GGH: variants seen among roughly 807,000 people sequenced by gnomAD.
The protein encoded by GGH is gamma-Glu-X carboxypeptidase.
GGH carries 18 observed loss-of-function variants against 39.2 expected under a neutral mutation model. That is an observed-to-expected ratio of 0.46 (90% CI 0.32 to 0.68). The LOEUF (loss-of-function observed/expected upper bound fraction) is 0.68. Ranked by LOEUF, GGH falls within the 30% of genes least tolerant of loss-of-function variation. The probability of loss-of-function intolerance (pLI) is 0.04; values close to 1 mark genes in which losing one functional copy is unlikely to be tolerated. For missense variants in GGH, 367 were observed against 384.1 expected (o/e 0.96, Z 0.37); for synonymous variants, 147 against 138.8 (o/e 1.06, Z -0.42).
In GGH at chr8:63,026,285, A is replaced by C. The variant is rs757459276; in HGVS notation, c.372T>G (p.Asp124Glu). Reference protein sequence around the residue: ...FYNLSIQSFDDGDYFPVWGTC... With the variant: ...FYNLSIQSFDEGDYFPVWGTC... ...TGCCCCACACAGGAAAATAGTCTCC[A>C]TCATCAAAACTCTTTGCAAGTGGAA... is the stretch of plus-strand genomic sequence containing the variant. The change falls in exon 5 of 9, where the codon GAT (aspartate) becomes GAG (glutamate). Residue 124 changes from aspartate (D) to glutamate (E), a missense_variant. Coordinates refer to ENST00000260118, the MANE Select transcript of GGH (RefSeq NM_003878.3). 1.4e-5 allele frequency: 22 copies of C among 1,600,960 alleles called. No individual in the cohort carries two copies. The highest frequency in any genetic ancestry group is 1.7e-5 in the Non-Finnish European group (20 of 1,175,362).
At chr8:63,031,933 G>C (rs572420858) in intron 2 of GGH, among the ~76,000 whole-genome samples, 1 of 152,332 alleles carries the variant, frequency 6.6e-6, no homozygotes, top group South Asian at 2.1e-4. Context: ...AGGATGGTAA[G>C]GCATTGTTGC....
chr8:63,034,261 A>T (rs1306283092), intron 2 of GGH, among the ~76,000 whole-genome samples: 1 of 151,918 alleles, frequency 6.6e-6, no homozygotes, highest in Non-Finnish European at 1.5e-5. Flanking sequence ...ACTAATATCA[A>T]AAGCAAATGG....
At chr8:63,018,632 C>A (rs1194048080) in intron 7 of GGH, among the ~76,000 whole-genome samples, 1 of 152,192 alleles carries the variant, frequency 6.6e-6, no homozygotes, top group Non-Finnish European at 1.5e-5. Flanking sequence ...GCCTCCCCCA[C>A]TTCCGTGTGA....
intron 2 of GGH, among the ~76,000 whole-genome samples, chr8:63,034,214 C>T (rs1804859263): frequency 1.3e-5 from 2 of 151,366 alleles, no homozygotes; most frequent in Non-Finnish European, 2.9e-5. Flanking sequence ...AATAAAATTT[C>T]GTTTGAAAAA....
Position 63,030,118 on chromosome 8 carries a change from C to G in GGH, c.275+49G>C, listed in dbSNP as rs368388127. The G allele has an allele frequency of 7.2e-5, 57 of 790,130 alleles. 1 individual carries two copies. In the African/African-American group the frequency reaches 9.8e-4, roughly 14 times the overall value. 48.9% of individuals were successfully genotyped at this position (790,130 alleles called of 1,614,324 possible). On this transcript the variant is annotated intron_variant, in intron 3 of 8. Coordinates refer to ENST00000260118, the MANE Select transcript of GGH (RefSeq NM_003878.3). ...ATATGATTTCTTTTACAAAAGCAGACATATGTAGACCACTCATATACCGTA... is the reference window on the plus strand; with the variant it reads ...ATATGATTTCTTTTACAAAAGCAGAGATATGTAGACCACTCATATACCGTA...
At chr8:63,037,172 T>C (rs1804925382) in intron 1 of GGH, among the ~76,000 whole-genome samples, 2 of 152,138 alleles carry the variant, frequency 1.3e-5, no homozygotes, top group East Asian at 3.9e-4. Context: ...GTATTCAGAT[T>C]AACATGTCAA....
Position 63,034,403 on chromosome 8 carries a change from T to G in GGH, c.224+1253A>C, listed in dbSNP as rs897340097. ...TAATATTTGCATTTTATTAGTAGTA[T>G]TATATTTGAACAGTATTTTTGTTAT... On this transcript the variant is annotated intron_variant, in intron 2 of 8. Coordinates refer to ENST00000260118, the MANE Select transcript of GGH (RefSeq NM_003878.3). Among the ~76,000 whole-genome samples the G allele has an allele frequency of 5.3e-5, 8 of 152,192 alleles. No individual in the cohort carries two copies. The East Asian group carries it at 9.6e-4, about 18-fold the overall frequency.
chr8:63,035,793 T>C, intron 1 of GGH, 23 bp from the exon 2 acceptor site: 1 of 1,582,404 alleles, frequency 6.3e-7, no homozygotes, highest in Non-Finnish European at 8.6e-7. Context: ...AAAAGTTTAG[T>C]TTCAAGCAAA....
At chr8:63,028,404 G>A (rs1326907175) in intron 3 of GGH, 1 of 151,872 alleles carries the variant, frequency 6.6e-6, no homozygotes, top group Non-Finnish European at 1.5e-5. Flanking sequence ...GACCAAATAC[G>A]GTATGTCTAA....
chr8:63,024,127 C>A lies in GGH; in HGVS notation c.559G>T (p.Val187Leu). The A allele has an allele frequency of 1.2e-6, 2 of 1,611,958 alleles. No homozygotes were observed. The highest frequency in any genetic ancestry group is 1.7e-5 in the Admixed American group (1 of 59,976). ...FPTELLLSLA[V>L]EPLTANFHKW... ...TGGAAATTGGCAGTCAGAGGTTCTA[C>A]TGCTAATGACAGCAACAACTCAGTA... The change falls in exon 6 of 9, where the codon GTA (valine) becomes TTA (leucine). Residue 187 changes from valine to leucine, a missense_variant. By Grantham distance (32) the Val-to-Leu change is conservative. Coordinates refer to ENST00000260118, the MANE Select transcript of GGH (RefSeq NM_003878.3).
chr8:63,029,489 T>C (rs577852959), intron 3 of GGH, among the ~76,000 whole-genome samples: 1 of 152,270 alleles, frequency 6.6e-6, no homozygotes, highest in African/African-American at 2.4e-5. Context: ...ATGCATAGAT[T>C]TGAGTCTAAG....
At chr8:63,018,560 G>A (rs894248433) in intron 7 of GGH, among the ~76,000 whole-genome samples, 5 of 152,182 alleles carry the variant, frequency 3.3e-5, no homozygotes, top group Admixed American at 1.3e-4. Context: ...TTTTATCCCA[G>A]TTTTGTGGGT....
intron 5 of GGH, 24 bp downstream of exon 5, chr8:63,026,134 A>G: frequency 1.3e-6 from 2 of 1,527,872 alleles, no homozygotes; most frequent in Non-Finnish European, 1.8e-6. Flanking sequence ...ATATTTTTCA[A>G]AGGGTTGAAA....
Position 63,030,198 on chromosome 8 carries a change from CT to C in GGH, c.243del (p.Asp82ThrfsTer62), listed in dbSNP as rs1434555259. On this transcript the variant is annotated frameshift_variant, in exon 3 of 9. Transcript: ENST00000260118. LOFTEE classifies it high-confidence loss of function. ...VVPVRLDLTE[K>X]DYEILFKSIN... Reference sequence around the variant, plus strand: ...ATAGATTTGAAAAGTATTTCATAGTCTTTCTCTGTAAGATCCAGCCTGAAAA... The same window carrying C: ...ATAGATTTGAAAAGTATTTCATAGTCTTCTCTGTAAGATCCAGCCTGAAAA... 2 of 1,443,008 alleles carry C rather than the reference CT, an allele frequency of 1.4e-6. No homozygotes were observed. The highest frequency in any genetic ancestry group is 2.0e-6 in the Non-Finnish European group (2 of 1,025,336). The allele number at this position is 1,443,008 out of a possible 1,614,324, so 89.4% of individuals were successfully genotyped here. A position where few individuals can be genotyped will look rare whatever the true frequency, so the allele number is the denominator to read the frequency against.
chr8:63,033,047 C>G (rs2129676442), intron 2 of GGH, among the ~76,000 whole-genome samples: 1 of 152,310 alleles, frequency 6.6e-6, no homozygotes, highest in East Asian at 1.9e-4. Flanking sequence ...CTAAACTGGT[C>G]TACCTGCCTT....
chr8:63,035,548 A>G, intron 2 of GGH, 108 bp downstream of exon 2: 1 of 1,449,118 alleles, frequency 6.9e-7, no homozygotes, highest in Middle Eastern at 1.9e-4. Context: ...TCAGTAGTCC[A>G]CCCGCCTTGG....
chr8:63,023,692 T>C (rs1339705501), intron 7 of GGH: 1 of 333,328 alleles, frequency 3.0e-6, no homozygotes, highest in Non-Finnish European at 5.4e-6. Flanking sequence ...CCCTTTATTC[T>C]TTTACTTTTC....
intron 1 of GGH, among the ~76,000 whole-genome samples, chr8:63,036,769 C>A (rs1053835705): frequency 6.6e-6 from 1 of 152,144 alleles, no homozygotes; most frequent in Non-Finnish European, 1.5e-5. Flanking sequence ...GTGCCTGTCA[C>A]GTTGCAAGGA....
Position 63,026,047 on chromosome 8 carries a change from C to A in GGH, c.499+111G>T, listed in dbSNP as rs1804677462. ...CTAATGTCATAAGCATTTTTTCCTT[C>A]AGGGAAAAGGCTAAAAAGAAAATAA... On this transcript the variant is annotated intron_variant, in intron 5 of 8. Coordinates refer to ENST00000260118, the MANE Select transcript of GGH (RefSeq NM_003878.3). 3.5e-6 allele frequency: 3 copies of A among 849,398 alleles called. No homozygotes were observed. In the African/African-American group the frequency reaches 5.3e-5, roughly 15 times the overall value. 52.6% of individuals were successfully genotyped at this position (849,398 alleles called of 1,614,324 possible). A position where few individuals can be genotyped will look rare whatever the true frequency, so the allele number is the denominator to read the frequency against.
Sources: allele counts gnomAD v4.1 joint callset (sites outside exome capture counted in the v4.1 genomes callset), GRCh38; gene constraint gnomAD v4.1.1; transcripts MANE v1.5; gene names NCBI Gene and HGNC (gene_info 2026-07-23, HGNC 2026-07-21).